Variants in CELF1 observed in about 807,000 individuals in gnomAD.
The protein encoded by CELF1 is CUGBP Elav-like family member 1.
CELF1 carries 10 observed loss-of-function variants against 61.8 expected under a neutral mutation model. The ratio of observed to expected loss-of-function variants is 0.16; its 90% confidence interval spans 0.10 to 0.27. CELF1 has a LOEUF of 0.27. CELF1 is among the 10% of genes least tolerant of loss of function. CELF1 has a pLI of 1.00. For synonymous variants in CELF1, 236 were observed against 225.1 expected (o/e 1.05, Z -0.43); for missense variants, 380 against 639.1 (o/e 0.59, Z 4.37).
chr11:47,543,029 AG>A (rs1354576988), intron 1 of CELF1, among the ~76,000 whole-genome samples: 5 of 152,076 alleles, frequency 3.3e-5, no homozygotes, highest in African/African-American at 1.2e-4. Flanking sequence ...CTGAGGCTGG[AG>A]GATCGCTTGA....
intron 3 of CELF1, among the ~76,000 whole-genome samples, chr11:47,491,471 TA>T (rs2091460372): frequency 6.6e-6 from 1 of 152,196 alleles, no homozygotes; most frequent in East Asian, 1.9e-4. Flanking sequence ...GAATCTTTTA[TA>T]ATTCAACACT....
chr11:47,480,384 G>A (rs150913576), intron 9 of CELF1, among the ~76,000 whole-genome samples: 1 of 152,146 alleles, frequency 6.6e-6, no homozygotes, highest in Non-Finnish European at 1.5e-5. Flanking sequence ...ACCGCGCCTG[G>A]CCTTTTTCTT....
intron 1 of CELF1, among the ~76,000 whole-genome samples, chr11:47,535,416 C>T (rs1379724290): frequency 6.6e-6 from 1 of 152,054 alleles, no homozygotes; most frequent in Non-Finnish European, 1.5e-5. Flanking sequence ...AGATGGCTCA[C>T]ACCTGTAATC....
Position 47,530,658 on chromosome 11 carries a change from TAAGAA to T in CELF1, c.-154+22329_-154+22333del, listed in dbSNP as rs1598098707. ...AAAACTGGGAGAGAGGACCAGACTT[TAAGAA>T]GAGGAAAAAGGCTGGGTACAGTGGC... On this transcript the variant is annotated intron_variant, in intron 1 of 14. Coordinates refer to ENST00000687097, the MANE Select transcript of CELF1 (RefSeq NM_001376376.1). Among the ~76,000 whole-genome samples, 3 of 152,232 alleles carry T rather than the reference TAAGAA, an allele frequency of 2.0e-5. No homozygotes were observed. In the East Asian group the frequency reaches 5.8e-4, roughly 29 times the overall value.
At chr11:47,508,569 TAAA>T (rs10547247) in intron 1 of CELF1, among the ~76,000 whole-genome samples, 67,884 of 138,446 alleles carry the variant, frequency 0.49, 16,737 homozygotes, top group East Asian at 0.6. Context: ...TGAATTTCTT[TAAA>T]AAAAAAAAAA....
intron 1 of CELF1, among the ~76,000 whole-genome samples, chr11:47,548,187 T>C (rs569698797): frequency 6.6e-6 from 1 of 152,034 alleles, no homozygotes; most frequent in South Asian, 2.1e-4. Context: ...TAATCCCAGC[T>C]ACTCGGGAGG....
At chr11:47,509,180 C>T (rs2094836337) in intron 1 of CELF1, among the ~76,000 whole-genome samples, 1 of 152,156 alleles carries the variant, frequency 6.6e-6, no homozygotes, top group Non-Finnish European at 1.5e-5. Context: ...GAGAGAAGAG[C>T]TGAATGGAAA....
rs1014541174 is a variant in CELF1, at chr11:47,511,993, C to A, written c.-153-11061G>T. Reference sequence around the variant, plus strand: ...CCTCCCAAGCAGCTAGGACTACAGGCACAAGCCATCATGCCCAGCTAATGT... The same window carrying A: ...CCTCCCAAGCAGCTAGGACTACAGGAACAAGCCATCATGCCCAGCTAATGT... On this transcript the variant is annotated intron_variant, in intron 1 of 14. Coordinates refer to ENST00000687097, the MANE Select transcript of CELF1 (RefSeq NM_001376376.1). 3.3e-5 allele frequency among the ~76,000 whole-genome samples: 5 copies of A among 152,060 alleles called. No individual in the cohort carries two copies. In the East Asian group the frequency reaches 7.7e-4, roughly 23 times the overall value.
At chr11:47,522,552 G>C (rs1001814419) in intron 1 of CELF1, among the ~76,000 whole-genome samples, 1 of 150,140 alleles carries the variant, frequency 6.7e-6, no homozygotes. Flanking sequence ...AAAACGCCAG[G>C]CACAGTGGCT....
intron 1 of CELF1, among the ~76,000 whole-genome samples, chr11:47,544,781 G>A (rs1003714071): frequency 6.6e-6 from 1 of 152,086 alleles, no homozygotes; most frequent in Admixed American, 6.6e-5. Context: ...TGACCAACAT[G>A]GAGAAACCCC....
rs2077197016 is a variant in CELF1 at position 47,469,367 on chromosome 11, T to G, written c.*2863A>C. The stretch of plus-strand genomic sequence containing the variant: ...TAGCTTCCATCCAGGCCCTGGCCAC[T>G]CAAGGGGAACCCAGGAGACAGTGGT... On this transcript the variant is annotated 3_prime_UTR_variant, in exon 15 of 15. Coordinates refer to ENST00000687097, the MANE Select transcript of CELF1 (RefSeq NM_001376376.1). 1 of 152,264 alleles carries G rather than the reference T, an allele frequency of 6.6e-6. No individual in the cohort carries two copies. The highest frequency in any genetic ancestry group is 1.5e-5 in the Non-Finnish European group (1 of 68,066). The allele number at this position is 152,264 out of a possible 1,614,324, so 9.4% of individuals were successfully genotyped here. A position where few individuals can be genotyped will look rare whatever the true frequency, so the allele number is the denominator to read the frequency against.
intron 3 of CELF1, chr11:47,496,109 T>C (rs1423548280): frequency 2.7e-6 from 1 of 365,672 alleles, no homozygotes. Context: ...CTGAGTTACT[T>C]ACCAGCTGCT....
intron 1 of CELF1, among the ~76,000 whole-genome samples, chr11:47,520,642 T>A (rs1203018302): frequency 1.3e-5 from 2 of 152,008 alleles, no homozygotes; most frequent in African/African-American, 2.4e-5. Context: ...ACCCTACCTC[T>A]ACCCAAAAAA....
intron 1 of CELF1, among the ~76,000 whole-genome samples, chr11:47,506,443 A>G (rs2094507185): frequency 6.6e-6 from 1 of 152,148 alleles, no homozygotes; most frequent in African/African-American, 2.4e-5. Flanking sequence ...AAAAGAAAAA[A>G]AAAATCTCAT....
intron 1 of CELF1, 55 bp from the exon 2 acceptor site, chr11:47,500,987 A>G (rs1052268809): frequency 5.0e-6 from 2 of 398,372 alleles, no homozygotes; most frequent in African/African-American, 4.1e-5. Flanking sequence ...ACGTTAAAAA[A>G]AAAAAAGAAA....
At chr11:47,482,898 G>C (rs1323448566) in intron 8 of CELF1, 42 bp from the exon 9 acceptor site, 1 of 1,562,832 alleles carries the variant, frequency 6.4e-7, no homozygotes, top group Admixed American at 2.0e-5. Context: ...TCCTCCATCT[G>C]AAAAGAAGAA....
chr11:47,547,452 C>G (rs911888139), intron 1 of CELF1, among the ~76,000 whole-genome samples: 1 of 151,714 alleles, frequency 6.6e-6, no homozygotes, highest in Admixed American at 6.6e-5. Context: ...CCGAGGCGGG[C>G]AGATCACCTG....
chr11:47,473,018 G>T, intron 14 of CELF1, 70 bp downstream of exon 14: 1 of 1,528,500 alleles, frequency 6.5e-7, no homozygotes, highest in Non-Finnish European at 8.9e-7. Context: ...AGATCTTTCT[G>T]CAGTGAGCTC....
intron 2 of CELF1, among the ~76,000 whole-genome samples, chr11:47,561,137 C>CA (rs34223231): frequency 0.75 from 79,260 of 105,778 alleles, 30,303 homozygotes; most frequent in Non-Finnish European, 0.83. Context: ...GACTCTGTCT[C>CA]AAAAAAAAAA....
Sources: gnomAD v4.1 joint callset for allele counts (sites outside exome capture counted in the v4.1 genomes callset) on GRCh38, gnomAD v4.1.1 for gene constraint, MANE v1.5 for transcripts, NCBI Gene and HGNC (gene_info 2026-07-23, HGNC 2026-07-21) for gene names.